TBC1D5: variants seen among roughly 807,000 people sequenced by gnomAD.
TBC1D5 encodes TBC1 domain family member 5.
In TBC1D5, 75 loss-of-function variants were observed where a neutral mutation model predicts 100.3. The ratio of observed to expected loss-of-function variants is 0.75; its 90% CI spans 0.62 to 0.91. The LOEUF (loss-of-function observed/expected upper bound fraction) is 0.91, where lower values mean the gene tolerates loss of function less well. Ranked by LOEUF, TBC1D5 falls within the 40% of genes least tolerant of loss-of-function variation. The pLI is 0.00. For missense variants in TBC1D5, 910 were observed against 942.4 expected (o/e 0.97, Z 0.45); for synonymous variants, 323 against 325.6 (o/e 0.99, Z 0.09).
chr3:17,461,929 A>G (rs1235997778), intron 3 of TBC1D5, among the ~76,000 whole-genome samples: 1 of 152,084 alleles, frequency 6.6e-6, no homozygotes, highest in African/African-American at 2.4e-5. Flanking sequence ...CTGCTATCAC[A>G]TTTTAATGTC....
chr3:17,362,585 C>T (rs959529908), intron 13 of TBC1D5, among the ~76,000 whole-genome samples: 14 of 151,970 alleles, frequency 9.2e-5, no homozygotes, highest in African/African-American at 2.9e-4. Flanking sequence ...GGTTCTCGTG[C>T]CTCAGCCTCC....
At chr3:17,631,917 G>T (rs924990709) in intron 1 of TBC1D5, among the ~76,000 whole-genome samples, 8 of 152,162 alleles carry the variant, frequency 5.3e-5, no homozygotes, top group Non-Finnish European at 1.0e-4. Context: ...TTTCATGCTT[G>T]CTAATATAAT....
intron 17 of TBC1D5, among the ~76,000 whole-genome samples, chr3:17,217,691 T>C (rs371159826): frequency 3.3e-5 from 5 of 152,246 alleles, no homozygotes; most frequent in African/African-American, 1.2e-4. Flanking sequence ...TTTATTCAAA[T>C]CTTTTGCCCA....
At chr3:17,488,751 A>G (rs975741992) in intron 3 of TBC1D5, among the ~76,000 whole-genome samples, 6 of 152,010 alleles carry the variant, frequency 3.9e-5, no homozygotes, top group African/African-American at 1.5e-4. Flanking sequence ...ATTTTTACCT[A>G]TGCTTATCCT....
chr3:17,650,555 C>T (rs1051603915), intron 1 of TBC1D5, among the ~76,000 whole-genome samples: 4 of 151,956 alleles, frequency 2.6e-5, no homozygotes, highest in African/African-American at 9.7e-5. Flanking sequence ...ATTCATCAGA[C>T]AGAAGAGAAA....
At chr3:17,732,398 G>A (rs2076636006) in intron 1 of TBC1D5, among the ~76,000 whole-genome samples, 1 of 151,820 alleles carries the variant, frequency 6.6e-6, no homozygotes, top group Admixed American at 6.6e-5. Context: ...TATCTACTTT[G>A]TAACATTCAA....
chr3:17,493,929 A>T (rs1360566471), intron 3 of TBC1D5, among the ~76,000 whole-genome samples: 1 of 152,142 alleles, frequency 6.6e-6, no homozygotes, highest in East Asian at 1.9e-4. Flanking sequence ...TATTTCTGTC[A>T]GTTCATCCAT....
chr3:17,161,573 G>A (rs771338797), intron 21 of TBC1D5, among the ~76,000 whole-genome samples: 1 of 152,236 alleles, frequency 6.6e-6, no homozygotes, highest in East Asian at 1.9e-4. Context: ...CTCAGGAGAT[G>A]GCCAATAGGT....
chr3:17,717,252 T>C (rs903586669), intron 1 of TBC1D5, among the ~76,000 whole-genome samples: 1 of 104,528 alleles, frequency 9.6e-6, no homozygotes, highest in African/African-American at 3.1e-5. Flanking sequence ...CAGTAAAGGA[T>C]TTTTCAAAAA....
intron 15 of TBC1D5, among the ~76,000 whole-genome samples, chr3:17,279,764 G>A (rs1396381321): frequency 6.6e-6 from 1 of 152,066 alleles, no homozygotes; most frequent in Non-Finnish European, 1.5e-5. Flanking sequence ...CAGAGTTCTG[G>A]GTCCTATCAC....
intron 7 of TBC1D5, among the ~76,000 whole-genome samples, chr3:17,403,628 A>G (rs1294790170): frequency 6.6e-6 from 1 of 152,118 alleles, no homozygotes; most frequent in African/African-American, 2.4e-5. Flanking sequence ...TTTACAATCT[A>G]TTAGGTATTA....
chr3:17,471,141 T>G, intron 3 of TBC1D5, among the ~76,000 whole-genome samples: 1 of 152,180 alleles, frequency 6.6e-6, no homozygotes, highest in East Asian at 1.9e-4. Context: ...TCACACCACC[T>G]AAGTGATAGC....
chr3:17,645,728 C>G (rs1329838407), intron 1 of TBC1D5, among the ~76,000 whole-genome samples: 1 of 152,050 alleles, frequency 6.6e-6, no homozygotes, highest in East Asian at 1.9e-4. Flanking sequence ...GACCATGAAC[C>G]AATTCTACTA....
intron 3 of TBC1D5, among the ~76,000 whole-genome samples, chr3:17,479,490 CTG>C (rs2095476381): frequency 1.3e-5 from 2 of 152,178 alleles, no homozygotes; most frequent in Non-Finnish European, 2.9e-5. Flanking sequence ...TTGCAAAACT[CTG>C]TGATACATTT....
At chr3:17,443,039 C>CA (rs920667964) in intron 3 of TBC1D5, among the ~76,000 whole-genome samples, 1 of 152,084 alleles carries the variant, frequency 6.6e-6, no homozygotes, top group African/African-American at 2.4e-5. Context: ...TCAAAATGTT[C>CA]AAGACACAGT....
intron 17 of TBC1D5, among the ~76,000 whole-genome samples, chr3:17,229,379 T>G (rs1194150071): frequency 6.6e-6 from 1 of 152,186 alleles, no homozygotes; most frequent in African/African-American, 2.4e-5. Context: ...AGGTTGTACT[T>G]GAAGCCCCTG....
intron 1 of TBC1D5, among the ~76,000 whole-genome samples, chr3:17,698,070 A>G (rs2072442433): frequency 6.6e-6 from 1 of 152,040 alleles, no homozygotes; most frequent in Non-Finnish European, 1.5e-5. Context: ...ACCAAAAAAG[A>G]GCCCACATTG....
At chr3:17,169,034 T>G (rs539713569) in intron 19 of TBC1D5, among the ~76,000 whole-genome samples, 1 of 152,214 alleles carries the variant, frequency 6.6e-6, no homozygotes, top group Non-Finnish European at 1.5e-5. Flanking sequence ...TGTTCAACTT[T>G]CTGCTCCAGT....
At chr3:17,312,788 T>C (rs1166029567) in intron 13 of TBC1D5, among the ~76,000 whole-genome samples, 5 of 152,236 alleles carry the variant, frequency 3.3e-5, no homozygotes. Flanking sequence ...AGAACAACTG[T>C]AACATGCCTT....
Sources: allele counts gnomAD v4.1 joint callset (sites outside exome capture counted in the v4.1 genomes callset), GRCh38; gene constraint gnomAD v4.1.1; transcripts MANE v1.5; gene names NCBI Gene and HGNC (gene_info 2026-07-23, HGNC 2026-07-21).